RICTOR: variants seen among roughly 807,000 people sequenced by gnomAD.
RICTOR encodes the protein rapamycin-insensitive companion of mTOR.
A neutral mutation model predicts 214.9 loss-of-function variants in RICTOR; 49 were observed. The observed-to-expected ratio is 0.23, with a 90% CI of 0.18 to 0.29. The LOEUF is 0.29. Ranked by LOEUF, RICTOR falls within the 10% of genes least tolerant of loss-of-function variation. The pLI, the probability that RICTOR is intolerant of heterozygous loss-of-function variation, is 1.00. For synonymous variants in RICTOR, 717 were observed against 711.3 expected (o/e 1.01, Z -0.13); for missense variants, 1,625 against 2,047.0 (o/e 0.79, Z 3.98).
intron 11 of RICTOR, chr5:38,970,142 T>A (rs1438679442): frequency 6.6e-6 from 1 of 152,224 alleles, no homozygotes; most frequent in Non-Finnish European, 1.5e-5. Context: ...TGTAGTAGGC[T>A]GTACCATCTA....
intron 3 of RICTOR, among the ~76,000 whole-genome samples, chr5:39,013,053 T>C (rs1302864104): frequency 1.3e-5 from 2 of 152,200 alleles, no homozygotes; most frequent in East Asian, 1.9e-4. Context: ...CAGCATGTAA[T>C]TGACAGTGTC....
At chr5:39,028,404 G>T (rs1287937394) in intron 2 of RICTOR, among the ~76,000 whole-genome samples, 1 of 151,664 alleles carries the variant, frequency 6.6e-6, no homozygotes, top group African/African-American at 2.4e-5. Context: ...GGATGGTCTC[G>T]ATCTCCTGAC....
chr5:39,002,569 C>G lies in RICTOR; in HGVS notation c.358G>C (p.Val120Leu). ...AAATAGTCCACTTTCAATTTTAGCA[C>G]CTTCTGGAGAATACTGGAGTCTTGG... Reference protein sequence around the residue: ...LIQDSSILQKVLKLKVDYLIA... With the variant: ...LIQDSSILQKLLKLKVDYLIA... Residue 120 changes from valine to leucine, a missense_variant, in exon 5 of 38, where the codon GTG (valine) becomes CTG (leucine). Val to Leu is a conservative substitution (Grantham distance 32). This residue lies in a region of RICTOR where 258 missense variants were observed against 393.7 expected (regional missense o/e 0.66). Coordinates refer to ENST00000357387, the MANE Select transcript of RICTOR (RefSeq NM_152756.5). The G allele has an allele frequency of 1.2e-6, 2 of 1,610,508 alleles. No individual in the cohort carries two copies. The highest frequency in any genetic ancestry group is 1.7e-6 in the Non-Finnish European group (2 of 1,177,512).
intron 2 of RICTOR, among the ~76,000 whole-genome samples, chr5:39,053,314 C>A (rs547211469): frequency 6.6e-6 from 1 of 152,296 alleles, no homozygotes; most frequent in East Asian, 1.9e-4. Flanking sequence ...CTTGTCATGG[C>A]AAATCAGGTT....
In RICTOR at chr5:38,996,914, A is replaced by C. The variant is rs756189111; in HGVS notation, c.393-32T>G. Reference sequence around the variant, plus strand: ...AATACACAAAATATTAATCATTGATAAAATTCTATTAAACAACTTTTTGTA... The same window carrying C: ...AATACACAAAATATTAATCATTGATCAAATTCTATTAAACAACTTTTTGTA... On this transcript the variant is annotated intron_variant, in intron 5 of 37. Transcript: ENST00000357387. The C allele has an allele frequency of 3.3e-6, 5 of 1,508,450 alleles. No individual in the cohort carries two copies. In the South Asian group the frequency reaches 4.5e-5, roughly 14 times the overall value. 93.4% of individuals were successfully genotyped at this position (1,508,450 alleles called of 1,614,324 possible). A position where few individuals can be genotyped will look rare whatever the true frequency, so the allele number is the denominator to read the frequency against.
chr5:38,985,619 GATAA>G (rs1274182220), intron 7 of RICTOR, among the ~76,000 whole-genome samples: 5 of 151,890 alleles, frequency 3.3e-5, no homozygotes, highest in Non-Finnish European at 5.9e-5. Flanking sequence ...CCAATGATCA[GATAA>G]ATATTCATCC....
At position 38,977,175 on chromosome 5, in the gene RICTOR, G is replaced by A. The variant is rs1751310896; in HGVS notation, c.821+1408C>T. ...AGGTGAAAGTAGGCCCCAGCTGACA[G>A]CCAGTAAAGAAAAAGGCATAGCAGT... On this transcript the variant is annotated intron_variant, in intron 9 of 37. Coordinates refer to ENST00000357387, the MANE Select transcript of RICTOR (RefSeq NM_152756.5). Among the ~76,000 whole-genome samples the A allele has an allele frequency of 2.0e-5, 3 of 152,138 alleles. No homozygotes were observed. The South Asian group carries it at 6.2e-4, about 31-fold the overall frequency.
chr5:39,017,744 C>G (rs928705385), intron 3 of RICTOR, among the ~76,000 whole-genome samples: 1 of 152,032 alleles, frequency 6.6e-6, no homozygotes, highest in Admixed American at 6.6e-5. Flanking sequence ...ATATTCTCAT[C>G]CCCTTCTATT....
chr5:38,990,525 C>CACGATATATACAA (rs1263796203), intron 7 of RICTOR, among the ~76,000 whole-genome samples: 9,041 of 145,724 alleles, frequency 0.062, 475 homozygotes, highest in East Asian at 0.17. Context: ...GATATATATA[C>CACGATATATACAA]GATATATATA....
At chr5:39,019,637 C>G (rs189120843) in intron 3 of RICTOR, among the ~76,000 whole-genome samples, 1 of 152,120 alleles carries the variant, frequency 6.6e-6, no homozygotes, top group African/African-American at 2.4e-5. Context: ...CAAATTGTTA[C>G]GGCTCATTGA....
At chr5:39,007,070 C>G (rs1343177220) in intron 3 of RICTOR, among the ~76,000 whole-genome samples, 1 of 151,864 alleles carries the variant, frequency 6.6e-6, no homozygotes, top group Non-Finnish European at 1.5e-5. Context: ...TCTAAAAAAC[C>G]AACCATATAC....
chr5:39,012,373 C>T (rs116149706), intron 3 of RICTOR, among the ~76,000 whole-genome samples: 2,685 of 152,234 alleles, frequency 0.018, 50 homozygotes, highest in East Asian at 0.05. Context: ...GTCCCCAGCC[C>T]TGTGGAACTG....
Position 38,950,475 on chromosome 5 carries a change from T to C in RICTOR, c.3373A>G (p.Lys1125Glu). 4.3e-6 allele frequency: 7 copies of C among 1,613,586 alleles called. No homozygotes were observed. Among genetic ancestry groups the C allele is most frequent in the Non-Finnish European group, 5.9e-6 (7 of 1,179,666 alleles). The change falls in exon 31 of 38, where the codon AAG becomes GAG. Residue 1125 changes from lysine (K) to glutamate (E), a missense_variant. Lys to Glu is a moderately conservative substitution (Grantham distance 56). Transcript: ENST00000357387. ...GTTCTGATTCGCCTGTTGCTTGTCT[T>C]ACTTTCAGATGATAATTTCCCTCCT... ...PKGGKLSSES[K>E]TSNRRIRTLT...
chr5:38,974,355 T>G (rs999089068), intron 10 of RICTOR, among the ~76,000 whole-genome samples: 1 of 151,964 alleles, frequency 6.6e-6, no homozygotes, highest in Admixed American at 6.6e-5. Flanking sequence ...TGATGAATCA[T>G]TATAAAAGGG....
At chr5:38,987,954 T>C (rs1752300747) in intron 7 of RICTOR, among the ~76,000 whole-genome samples, 1 of 152,202 alleles carries the variant, frequency 6.6e-6, no homozygotes, top group Non-Finnish European at 1.5e-5. Context: ...TGCTTTAATT[T>C]CATTATTTAC....
At chr5:38,996,980 T>C (rs1753225094) in intron 5 of RICTOR, 98 bp from the exon 6 acceptor site, 1 of 774,458 alleles carries the variant, frequency 1.3e-6, no homozygotes. Flanking sequence ...ACAATGTCAA[T>C]ATGGTATATT....
intron 4 of RICTOR, among the ~76,000 whole-genome samples, chr5:39,003,148 A>G (rs1753775210): frequency 6.6e-6 from 1 of 152,132 alleles, no homozygotes; most frequent in Non-Finnish European, 1.5e-5. Context: ...GAGTACCTAA[A>G]AGATAGTTAT....
chr5:38,949,504 G>A, intron 31 of RICTOR: 2 of 1,325,112 alleles, frequency 1.5e-6, no homozygotes, highest in African/African-American at 1.5e-5. Flanking sequence ...TTTATTTTCA[G>A]GGCCTATAGG....
chr5:39,045,188 A>G (rs996223642), intron 2 of RICTOR, among the ~76,000 whole-genome samples: 1 of 152,192 alleles, frequency 6.6e-6, no homozygotes, highest in Non-Finnish European at 1.5e-5. Context: ...CTTTGTACAC[A>G]AACACAAAGT....
Sources: allele counts gnomAD v4.1 joint callset (sites outside exome capture counted in the v4.1 genomes callset), GRCh38; gene constraint gnomAD v4.1.1; regional missense constraint gnomAD v4.1.1; transcripts MANE v1.5; gene names NCBI Gene and HGNC (gene_info 2026-07-23, HGNC 2026-07-21).